CNTN4: variants seen among roughly 807,000 people sequenced by gnomAD.
CNTN4 encodes the protein contactin 4, also known as contactin-4.
In CNTN4, 77 loss-of-function variants were observed where a neutral mutation model predicts 122.5. That is an observed-to-expected ratio of 0.63 (90% CI 0.52 to 0.76). The LOEUF (loss-of-function observed/expected upper bound fraction) is 0.76, where lower values mean the gene tolerates loss of function less well. Among genes scored for constraint, CNTN4 ranks in the 30% least tolerant of loss-of-function variants. CNTN4 has a pLI of 0.00. For missense variants in CNTN4, 1,256 were observed against 1,259.1 expected (o/e 1.00, Z 0.04); for synonymous variants, 512 against 447.0 (o/e 1.15, Z -1.83).
chr3:2,264,318 G>A (rs929478586), intron 2 of CNTN4, among the ~76,000 whole-genome samples: 2 of 152,070 alleles, frequency 1.3e-5, no homozygotes, highest in South Asian at 2.1e-4. Context: ...TCTAAGTGGG[G>A]TGAGGTTATT....
chr3:2,569,450 A>G (rs2079323915), intron 3 of CNTN4, among the ~76,000 whole-genome samples: 1 of 152,222 alleles, frequency 6.6e-6, no homozygotes, highest in Non-Finnish European at 1.5e-5. Flanking sequence ...TGGGGCTCCC[A>G]CAGTGTGTAC....
rs1031728188 is a variant in CNTN4 at position 2,961,171 on chromosome 3, A to G, written c.1359-27174A>G. On this transcript the variant is annotated intron_variant, in intron 13 of 24. Transcript: ENST00000418658. ...CGTGAACCCGGGAGGCGGAGCTTGCAGTGAGCCGAGATTGGACCACTGCAC... is the reference window on the plus strand; with the variant it reads ...CGTGAACCCGGGAGGCGGAGCTTGCGGTGAGCCGAGATTGGACCACTGCAC... Among the ~76,000 whole-genome samples the G allele has an allele frequency of 2.2e-4, 30 of 135,480 alleles. 2 individuals carry two copies. Among genetic ancestry groups the G allele is most frequent in the Non-Finnish European group, 3.6e-4 (23 of 63,710 alleles). The allele number at this position is 135,480 out of a possible 152,430, so 88.9% of individuals were successfully genotyped here.
chr3:2,286,861 T>C (rs1436906642), intron 2 of CNTN4, among the ~76,000 whole-genome samples: 1 of 152,180 alleles, frequency 6.6e-6, no homozygotes, highest in Non-Finnish European at 1.5e-5. Flanking sequence ...AAAGCCGGAA[T>C]GAGTTAAGAT....
At chr3:2,716,468 T>G (rs1405978822) in intron 4 of CNTN4, among the ~76,000 whole-genome samples, 2 of 152,040 alleles carry the variant, frequency 1.3e-5, no homozygotes, top group African/African-American at 4.8e-5. Flanking sequence ...TACTGTAAAC[T>G]GGGTAGTTCA....
intron 13 of CNTN4, among the ~76,000 whole-genome samples, chr3:2,932,184 T>C (rs999495545): frequency 6.6e-6 from 1 of 152,058 alleles, no homozygotes; most frequent in Non-Finnish European, 1.5e-5. Context: ...GAGACCATCC[T>C]GGCTAACACG....
chr3:2,203,664 A>G (rs1017852666), intron 2 of CNTN4, among the ~76,000 whole-genome samples: 9 of 152,102 alleles, frequency 5.9e-5, no homozygotes, highest in Admixed American at 5.2e-4. Context: ...GGGAGCAGGC[A>G]CTAAGTCAGC....
At chr3:3,036,608 C>CAAA (rs57755039) in intron 17 of CNTN4, among the ~76,000 whole-genome samples, 100 of 148,698 alleles carry the variant, frequency 6.7e-4, no homozygotes, top group Middle Eastern at 7.2e-3. Context: ...ACTAAAAATA[C>CAAA]AAAAAAAAAA....
intron 2 of CNTN4, among the ~76,000 whole-genome samples, chr3:2,182,419 CATT>C (rs2149288706): frequency 6.6e-6 from 1 of 152,178 alleles, no homozygotes; most frequent in Admixed American, 6.6e-5. Context: ...AGAGATCTAA[CATT>C]AGTTGTAGCT....
In CNTN4 at chr3:2,692,963, A is replaced by G. The variant is rs1278394202; in HGVS notation, c.56-43252A>G. 2.0e-5 allele frequency among the ~76,000 whole-genome samples: 3 copies of G among 152,290 alleles called. No homozygotes were observed. In the East Asian group the frequency reaches 5.8e-4, roughly 29 times the overall value. ...TATTATTTTCTTAGGAAAATTCTCA[A>G]ACCTATTAAATTCAAAAGAATGTTA... On this transcript the variant is annotated intron_variant, in intron 4 of 24. Coordinates refer to ENST00000418658, the MANE Select transcript of CNTN4 (RefSeq NM_175607.3).
At chr3:2,893,512 A>G (rs1441533943) in intron 10 of CNTN4, among the ~76,000 whole-genome samples, 2 of 152,158 alleles carry the variant, frequency 1.3e-5, no homozygotes, top group African/African-American at 2.4e-5. Context: ...AAAGTCAACA[A>G]TTTTTGTTTC....
intron 4 of CNTN4, among the ~76,000 whole-genome samples, chr3:2,612,945 T>C (rs1576217484): frequency 6.6e-6 from 1 of 152,154 alleles, no homozygotes; most frequent in African/African-American, 2.4e-5. Context: ...AGATCTCTTT[T>C]TATTGTATGC....
intron 4 of CNTN4, among the ~76,000 whole-genome samples, chr3:2,589,963 G>A (rs2080387685): frequency 6.6e-6 from 1 of 152,284 alleles, no homozygotes; most frequent in African/African-American, 2.4e-5. Context: ...TTATAAGCGA[G>A]TCATTATTTT....
chr3:2,177,917 C>G (rs1045174338), intron 2 of CNTN4, among the ~76,000 whole-genome samples: 1 of 152,028 alleles, frequency 6.6e-6, no homozygotes, highest in Non-Finnish European at 1.5e-5. Flanking sequence ...TCACAATTGC[C>G]TTGCTTTTCT....
At chr3:3,003,695 A>AC (rs1292625497) in intron 14 of CNTN4, among the ~76,000 whole-genome samples, 116 of 145,120 alleles carry the variant, frequency 8.0e-4, no homozygotes, top group African/African-American at 3.0e-3. Flanking sequence ...AAAAAAAAAA[A>AC]AAAAAAAAAA....
In CNTN4 at chr3:2,753,227, G is replaced by C. The variant is rs73807915; in HGVS notation, c.358+7530G>C. ...ACAAGCCCTGGAGTCAGACTCCTTGGATTCAAATTCAGCTTCTATAATTTC... is the reference window on the plus strand; with the variant it reads ...ACAAGCCCTGGAGTCAGACTCCTTGCATTCAAATTCAGCTTCTATAATTTC... On this transcript the variant is annotated intron_variant, in intron 6 of 24. Coordinates refer to ENST00000418658, the MANE Select transcript of CNTN4 (RefSeq NM_175607.3). Among the ~76,000 whole-genome samples the C allele has an allele frequency of 2.6e-3, 389 of 152,232 alleles. 3 individuals carry two copies. Among genetic ancestry groups the C allele is most frequent in the African/African-American group, 9.1e-3 (380 of 41,554 alleles).
intron 2 of CNTN4, among the ~76,000 whole-genome samples, chr3:2,288,601 A>G (rs1014836720): frequency 6.6e-6 from 1 of 152,212 alleles, no homozygotes; most frequent in African/African-American, 2.4e-5. Flanking sequence ...AAAACAGATC[A>G]AAGAAATTGG....
At chr3:2,867,578 G>A (rs996961477) in intron 8 of CNTN4, among the ~76,000 whole-genome samples, 14 of 152,154 alleles carry the variant, frequency 9.2e-5, no homozygotes, top group Admixed American at 5.9e-4. Context: ...TTCCCACCAC[G>A]GGTTTTTATA....
chr3:2,426,287 A>C (rs1158437725), intron 3 of CNTN4, among the ~76,000 whole-genome samples: 1 of 152,108 alleles, frequency 6.6e-6, no homozygotes, highest in African/African-American at 2.4e-5. Context: ...ACGGCTGTTG[A>C]ATTTTGTTGA....
At chr3:2,650,441 T>C (rs894540268) in intron 4 of CNTN4, among the ~76,000 whole-genome samples, 7 of 152,228 alleles carry the variant, frequency 4.6e-5, no homozygotes, top group African/African-American at 1.4e-4. Flanking sequence ...GAGAATATTA[T>C]GTAAACTTAG....
Sources: gnomAD v4.1 joint callset for allele counts (sites outside exome capture counted in the v4.1 genomes callset) on GRCh38, gnomAD v4.1.1 for gene constraint, MANE v1.5 for transcripts, NCBI Gene and HGNC (gene_info 2026-07-23, HGNC 2026-07-21) for gene names.